MYRFL: variants seen among roughly 807,000 people sequenced by gnomAD.
The protein encoded by MYRFL is myelin regulatory factor like.
In MYRFL, 88 loss-of-function variants were observed where a neutral mutation model predicts 109.4. That is an observed-to-expected ratio of 0.80 (90% CI 0.68 to 0.96). The LOEUF is 0.96. Among genes scored for constraint, MYRFL ranks in the 40% least tolerant of loss-of-function variants. MYRFL has a pLI of 0.00. For synonymous variants in MYRFL, 324 were observed against 320.9 expected (o/e 1.01, Z -0.10); for missense variants, 957 against 954.9 (o/e 1.00, Z -0.03).
intron 13 of MYRFL, among the ~76,000 whole-genome samples, chr12:69,911,564 C>T (rs1347963041): frequency 6.6e-6 from 1 of 152,162 alleles, no homozygotes; most frequent in African/African-American, 2.4e-5. Context: ...GGAATGCCAT[C>T]ATGCCTGTAG....
chr12:69,916,952 C>T lies in MYRFL; in HGVS notation c.1602+6022C>T, dbSNP rs142232246. On this transcript the variant is annotated intron_variant, in intron 13 of 24. Transcript: ENST00000552032. ...CCTACATATTCCTTCAAAAGCCTGGCGTTTCCCTGTGCTGCCTAGCTTTCA... is the reference window on the plus strand; with the variant it reads ...CCTACATATTCCTTCAAAAGCCTGGTGTTTCCCTGTGCTGCCTAGCTTTCA... Among the ~76,000 whole-genome samples, 125 of 152,292 alleles carry T rather than the reference C, an allele frequency of 8.2e-4. 1 individual carries two copies. Among genetic ancestry groups the T allele is most frequent in the African/African-American group, 2.8e-3 (117 of 41,562 alleles).
intron 2 of MYRFL, among the ~76,000 whole-genome samples, chr12:69,857,023 A>G (rs183826048): frequency 1.3e-5 from 2 of 151,996 alleles, no homozygotes; most frequent in Admixed American, 6.5e-5. Context: ...ATTTAGGTCT[A>G]TGATCCATTT....
At chr12:69,872,187 A>G (rs1885393750) in intron 2 of MYRFL, among the ~76,000 whole-genome samples, 1 of 152,168 alleles carries the variant, frequency 6.6e-6, no homozygotes, top group Non-Finnish European at 1.5e-5. Context: ...AGTTTTAGCT[A>G]TTATTCATGA....
At chr12:69,859,274 T>A (rs1248236686) in intron 2 of MYRFL, among the ~76,000 whole-genome samples, 1 of 152,172 alleles carries the variant, frequency 6.6e-6, no homozygotes, top group Non-Finnish European at 1.5e-5. Context: ...ATGATCTATC[T>A]TGGTGAATGT....
At chr12:69,869,016 TCA>T (rs895613547) in intron 2 of MYRFL, among the ~76,000 whole-genome samples, 4 of 152,032 alleles carry the variant, frequency 2.6e-5, no homozygotes, top group African/African-American at 7.2e-5. Context: ...ACACATACAC[TCA>T]CACACAGAGT....
chr12:69,895,603 C>G, intron 9 of MYRFL, 122 bp downstream of exon 9: 1 of 657,524 alleles, frequency 1.5e-6, no homozygotes, highest in South Asian at 1.9e-5. Context: ...CTCTAAGCCA[C>G]TTTCCTCCCT....
At chr12:69,892,319 G>A (rs1886964112) in intron 7 of MYRFL, among the ~76,000 whole-genome samples, 1 of 152,188 alleles carries the variant, frequency 6.6e-6, no homozygotes, top group Admixed American at 6.6e-5. Flanking sequence ...TATGACTTCT[G>A]AGTGATCAAA....
At chr12:69,855,243 C>A (rs1273689778) in intron 1 of MYRFL, 37 bp from the exon 2 acceptor site, 1 of 696,956 alleles carries the variant, frequency 1.4e-6, no homozygotes, top group East Asian at 2.7e-5. Flanking sequence ...ATACTGAAAT[C>A]TTCATGTTTC....
Position 69,923,417 on chromosome 12 carries a change from GTCTTTT to G in MYRFL, c.1603-3147_1603-3142del, listed in dbSNP as rs1954970247. Among the ~76,000 whole-genome samples, 17 of 152,250 alleles carry G rather than the reference GTCTTTT, an allele frequency of 1.1e-4. No individual in the cohort carries two copies. In the South Asian group the frequency reaches 3.1e-3, roughly 28 times the overall value. On this transcript the variant is annotated intron_variant, in intron 13 of 24. Transcript: ENST00000552032. Reference sequence around the variant, plus strand: ...TTTTTAGTTAATGTAGCTAGAAAATGTCTTTTTCTTTTAAGAAATAAAATATATCAG... The same window carrying G: ...TTTTTAGTTAATGTAGCTAGAAAATGTCTTTTAAGAAATAAAATATATCAG...
chr12:69,932,428 C>A, intron 15 of MYRFL, 85 bp from the exon 16 acceptor site: 1 of 852,442 alleles, frequency 1.2e-6, no homozygotes, highest in African/African-American at 1.7e-5. Flanking sequence ...GCAGCAAATA[C>A]CCCTGCTGGG....
rs1295606780 is a variant in MYRFL, at chr12:69,879,355, A to C, written c.366A>C (p.Ser122=). 2.8e-6 allele frequency: 2 copies of C among 702,866 alleles called. No individual in the cohort carries two copies. Among genetic ancestry groups the C allele is most frequent in the Non-Finnish European group, 2.6e-6 (1 of 384,842 alleles). 43.5% of individuals were successfully genotyped at this position (702,866 alleles called of 1,614,324 possible). A position where few individuals can be genotyped will look rare whatever the true frequency, so the allele number is the denominator to read the frequency against. ...ACGGAGGCTTTCACAGCTGCCACTC[A>C]AACGCCAGTCATCTTGCCACCCCCC... The part of the protein sequence containing the change: ...QIHGGFHSCH[S]NASHLATPLD... Residue 122 remains serine, a synonymous_variant, in exon 4 of 25, where the codon TCA becomes TCC. Coordinates refer to ENST00000552032, the MANE Select transcript of MYRFL (RefSeq NM_182530.3).
chr12:69,957,921 A>T lies in MYRFL; in HGVS notation c.2550A>T (p.Glu850Asp). The T allele has an allele frequency of 2.0e-6, 3 of 1,534,464 alleles. No individual in the cohort carries two copies. Among genetic ancestry groups the T allele is most frequent in the Non-Finnish European group, 2.6e-6 (3 of 1,145,698 alleles). ...RGTKGLESHREISQEMTQGYQ... is the reference protein window; with the variant it reads ...RGTKGLESHRDISQEMTQGYQ... ...CCAAAGGGCTGGAAAGCCACAGAGA[A>T]ATCTCCCAGGAGATGACACAGGTAA... The change falls in exon 23 of 25, where the codon GAA (glutamate) becomes GAT (aspartate). Residue 850 changes from glutamate (E) to aspartate (D), a missense_variant. Transcript: ENST00000552032.
intron 2 of MYRFL, among the ~76,000 whole-genome samples, chr12:69,878,242 CAAAA>C (rs60069243): frequency 2.7e-5 from 3 of 112,714 alleles, no homozygotes; most frequent in Non-Finnish European, 5.3e-5. Context: ...GACTCCATCT[CAAAA>C]AAAAAAAAAA....
intron 6 of MYRFL, 127 bp downstream of exon 6, chr12:69,887,097 G>A: frequency 2.1e-6 from 2 of 952,048 alleles, no homozygotes; most frequent in East Asian, 2.7e-5. Context: ...GAAAGTGTCT[G>A]TCTTACTCCT....
chr12:69,861,434 G>A (rs921610685), intron 2 of MYRFL, among the ~76,000 whole-genome samples: 10 of 152,260 alleles, frequency 6.6e-5, no homozygotes, highest in East Asian at 3.9e-4. Flanking sequence ...TTTAATGATT[G>A]CCATTCTAAC....
chr12:69,913,739 G>A (rs1306750519), intron 13 of MYRFL, among the ~76,000 whole-genome samples: 2 of 152,148 alleles, frequency 1.3e-5, no homozygotes, highest in Admixed American at 6.5e-5. Context: ...TGAGTCATAC[G>A]GCTTTGTTCT....
chr12:69,844,254 G>C (rs12304565), intron 1 of MYRFL, among the ~76,000 whole-genome samples: 1,889 of 152,304 alleles, frequency 0.012, 41 homozygotes, highest in African/African-American at 0.042. Flanking sequence ...ACATCAGGCA[G>C]GTCCTAGAGC....
chr12:69,832,223 C>T (rs575995458), intron 1 of MYRFL, among the ~76,000 whole-genome samples: 10 of 152,152 alleles, frequency 6.6e-5, no homozygotes, highest in Non-Finnish European at 1.2e-4. Flanking sequence ...TGTTATATGC[C>T]CTGAGTGCTT....
chr12:69,914,881 G>A (rs1954684241), intron 13 of MYRFL, among the ~76,000 whole-genome samples: 1 of 152,164 alleles, frequency 6.6e-6, no homozygotes, highest in African/African-American at 2.4e-5. Flanking sequence ...CTGGAGTGAT[G>A]CAATCTATGG....
Sources: gnomAD v4.1 joint callset for allele counts (sites outside exome capture counted in the v4.1 genomes callset) on GRCh38, gnomAD v4.1.1 for gene constraint, MANE v1.5 for transcripts, NCBI Gene and HGNC (gene_info 2026-07-23, HGNC 2026-07-21) for gene names.